The following TMEM273 variants were observed in gnomAD, a reference collection of about 807,000 sequenced individuals.
TMEM273 encodes the protein transmembrane protein 273, also known as chromosome 10 open reading frame 128.
A neutral mutation model predicts 17.9 loss-of-function variants in TMEM273; 19 were observed. That is an observed-to-expected ratio of 1.06 (90% CI 0.74 to 1.55). The LOEUF is 1.55. Among genes scored for constraint, TMEM273 ranks in the 40% most tolerant of loss-of-function variants. The pLI is 0.00. For synonymous variants in TMEM273, 66 were observed against 62.0 expected, an observed-to-expected ratio of 1.07 and a Z score of -0.31; for missense variants, 194 against 155.6, an observed-to-expected ratio of 1.25 and a Z score of -1.31.
intron 1 of TMEM273, among the ~76,000 whole-genome samples, chr10:49,169,473 G>A (rs532187624): frequency 2.0e-5 from 3 of 152,220 alleles, no homozygotes; most frequent in South Asian, 4.1e-4. Flanking sequence ...AATTTTTTCC[G>A]GCAGTCTAAT....
intron 1 of TMEM273, among the ~76,000 whole-genome samples, chr10:49,171,940 T>G (rs1454604370): frequency 6.6e-6 from 1 of 152,210 alleles, no homozygotes; most frequent in Non-Finnish European, 1.5e-5. Context: ...CACCCTTATT[T>G]GGGCAGAATC....
At chr10:49,185,916 T>G (rs1847636919) in intron 1 of TMEM273, among the ~76,000 whole-genome samples, 1 of 151,012 alleles carries the variant, frequency 6.6e-6, no homozygotes, top group African/African-American at 2.4e-5. Context: ...AGGTGGAGGT[T>G]GCGGTGAGCC....
intron 1 of TMEM273, among the ~76,000 whole-genome samples, chr10:49,187,272 G>T (rs1280971978): frequency 1.3e-5 from 2 of 152,184 alleles, no homozygotes; most frequent in Admixed American, 1.3e-4. Flanking sequence ...ACTGATGGAT[G>T]ATGTGGCTGG....
chr10:49,157,112 C>T (rs553758971), intron 6 of TMEM273, among the ~76,000 whole-genome samples: 3 of 152,310 alleles, frequency 2.0e-5, no homozygotes, highest in Admixed American at 6.5e-5. Flanking sequence ...CTGGAGTTAG[C>T]CAGGTTTGCA....
intron 1 of TMEM273, among the ~76,000 whole-genome samples, chr10:49,179,783 A>G (rs952025371): frequency 1.3e-5 from 2 of 152,174 alleles, no homozygotes; most frequent in Non-Finnish European, 2.9e-5. Flanking sequence ...ATGGGCACAA[A>G]CACAGAAGCC....
intron 1 of TMEM273, among the ~76,000 whole-genome samples, chr10:49,173,650 C>A (rs1251697958): frequency 5.9e-5 from 9 of 152,220 alleles, no homozygotes; most frequent in African/African-American, 1.7e-4. Flanking sequence ...AGGCCACAAA[C>A]AACCCAGAGG....
chr10:49,174,128 C>T (rs1350167685), intron 1 of TMEM273, among the ~76,000 whole-genome samples: 2 of 152,240 alleles, frequency 1.3e-5, no homozygotes, highest in African/African-American at 2.4e-5. Context: ...ACAACCCTGC[C>T]TTTCTGCCCA....
Position 49,166,821 on chromosome 10 carries a change from T to C in TMEM273, c.238+48A>G, listed in dbSNP as rs1227636160. On this transcript the variant is annotated intron_variant, in intron 3 of 6. Coordinates refer to ENST00000374153, the MANE Select transcript of TMEM273 (RefSeq NM_001288740.3). ...GCCAGCATCACAGAGTGGCCCTCGG[T>C]GCCTCGCTGGGTGGGGCAGAGCCAG... 3 of 1,609,422 alleles carry C rather than the reference T, an allele frequency of 1.9e-6. No homozygotes were observed. In the African/African-American group the frequency reaches 4.0e-5, roughly 21 times the overall value.
intron 6 of TMEM273, 200 bp downstream of exon 6, chr10:49,161,399 T>G (rs1246294592): frequency 3.1e-5 from 20 of 641,884 alleles, no homozygotes; most frequent in Non-Finnish European, 5.3e-5. Context: ...ATGTTAAATC[T>G]TGCCAAGTAC....
At position 49,165,754 on chromosome 10, in the gene TMEM273, C is replaced by T; in HGVS notation, c.269+12G>A. Reference sequence around the variant, plus strand: ...CGATACCTCTCCCTGACTGTGTGGGCAGTGACCTTACCTTGGGGCTCTCTT... The same window carrying T: ...CGATACCTCTCCCTGACTGTGTGGGTAGTGACCTTACCTTGGGGCTCTCTT... On this transcript the variant is annotated intron_variant, in intron 4 of 6. Coordinates refer to ENST00000374153, the MANE Select transcript of TMEM273 (RefSeq NM_001288740.3). 1.9e-6 allele frequency: 3 copies of T among 1,614,140 alleles called. No individual in the cohort carries two copies. In the South Asian group the frequency reaches 3.3e-5, roughly 18 times the overall value.
chr10:49,188,308 A>C lies in TMEM273; in HGVS notation c.29T>G (p.Ile10Ser), dbSNP rs1183740289. MNLGVSMLR[I>S]LFLLDVGGAQ... ...TCCCCACTTACCCAGGAGGAAGAGG[A>C]TCCTCAGCATGCTGACCCCCAAGTT... The change falls in exon 1 of 7, where the codon ATC becomes AGC. Residue 10 changes from isoleucine to serine, a missense_variant. Coordinates refer to ENST00000374153, the MANE Select transcript of TMEM273 (RefSeq NM_001288740.3). 1 of 1,614,000 alleles carries C rather than the reference A, an allele frequency of 6.2e-7. No individual in the cohort carries two copies. The highest frequency in any genetic ancestry group is 1.3e-5 in the African/African-American group (1 of 74,922).
intron 5 of TMEM273, among the ~76,000 whole-genome samples, chr10:49,162,555 C>T (rs923760827): frequency 1.3e-5 from 2 of 152,206 alleles, no homozygotes; most frequent in Admixed American, 6.5e-5. Flanking sequence ...GGTAGCGTCC[C>T]TGTGCTGGGG....
At chr10:49,186,068 G>GGAAGAGGAAGAAGAA (rs1847668268) in intron 1 of TMEM273, among the ~76,000 whole-genome samples, 3 of 67,090 alleles carry the variant, frequency 4.5e-5, no homozygotes, top group African/African-American at 1.0e-4. Context: ...AAGAAGAAGA[G>GGAAGAGGAAGAAGAA]GAAGAAGAAG....
chr10:49,169,158 T>A (rs1026888429), intron 1 of TMEM273, among the ~76,000 whole-genome samples: 1 of 152,182 alleles, frequency 6.6e-6, no homozygotes, highest in Non-Finnish European at 1.5e-5. Flanking sequence ...TAGGGCTGCA[T>A]GGACTTGGGC....
chr10:49,159,525 G>T (rs184853872), intron 6 of TMEM273, among the ~76,000 whole-genome samples: 150 of 152,274 alleles, frequency 9.9e-4, no homozygotes, highest in African/African-American at 3.3e-3. Context: ...TAGACACATG[G>T]ATTAGGGAAA....
At chr10:49,185,543 T>A (rs1425399558) in intron 1 of TMEM273, among the ~76,000 whole-genome samples, 1 of 152,158 alleles carries the variant, frequency 6.6e-6, no homozygotes, top group Non-Finnish European at 1.5e-5. Flanking sequence ...AAGCCCAACG[T>A]TTCCTTCATT....
At chr10:49,176,342 T>C (rs746171670) in intron 1 of TMEM273, among the ~76,000 whole-genome samples, 1 of 152,192 alleles carries the variant, frequency 6.6e-6, no homozygotes, top group Non-Finnish European at 1.5e-5. Flanking sequence ...AAGCCTCTGC[T>C]GTTTCGAGAA....
At chr10:49,167,745 A>C (rs1163085406) in intron 2 of TMEM273, among the ~76,000 whole-genome samples, 164 bp downstream of exon 2, 1 of 152,224 alleles carries the variant, frequency 6.6e-6, no homozygotes, top group Non-Finnish European at 1.5e-5. Flanking sequence ...TTCCCCCGAA[A>C]TAAAGCTGTC....
chr10:49,174,138 A>G (rs1018010252), intron 1 of TMEM273, among the ~76,000 whole-genome samples: 12 of 152,202 alleles, frequency 7.9e-5, no homozygotes, highest in African/African-American at 2.2e-4. Context: ...CTTTCTGCCC[A>G]TTTATCCTGT....
Sources: allele counts gnomAD v4.1 joint callset (sites outside exome capture counted in the v4.1 genomes callset), GRCh38; gene constraint gnomAD v4.1.1; transcripts MANE v1.5; gene names NCBI Gene and HGNC (gene_info 2026-07-23, HGNC 2026-07-21).